Variants in AGBL4 observed in about 807,000 individuals in gnomAD.
AGBL4 encodes the protein AGBL carboxypeptidase 4.
AGBL4 carries 58 observed loss-of-function variants against 66.4 expected under a neutral mutation model. That is an observed-to-expected ratio of 0.87 (90% CI 0.71 to 1.09). AGBL4 has a LOEUF of 1.09. Among genes scored for constraint, AGBL4 ranks in the 50% least tolerant of loss-of-function variants. The pLI, the probability that AGBL4 is intolerant of heterozygous loss-of-function variation, is 0.00. For synonymous variants in AGBL4, 234 were observed against 222.9 expected, an observed-to-expected ratio of 1.05 and a Z score of -0.44; for missense variants, 579 against 631.0, an observed-to-expected ratio of 0.92 and a Z score of 0.88.
chr1:49,676,059 G>A (rs1450951494), intron 3 of AGBL4, among the ~76,000 whole-genome samples: 1 of 151,992 alleles, frequency 6.6e-6, no homozygotes, highest in Non-Finnish European at 1.5e-5. Flanking sequence ...ATAATCCTAA[G>A]GGGTAAGGAT....
intron 3 of AGBL4, among the ~76,000 whole-genome samples, chr1:49,616,958 C>T (rs748415745): frequency 6.6e-6 from 1 of 152,284 alleles, no homozygotes; most frequent in Admixed American, 6.5e-5. Context: ...TCCTAACTGG[C>T]TACTCTGTTT....
intron 5 of AGBL4, among the ~76,000 whole-genome samples, chr1:48,997,301 T>C (rs2148986543): frequency 6.6e-6 from 1 of 152,176 alleles, no homozygotes; most frequent in African/African-American, 2.4e-5. Context: ...ATACAGGCAG[T>C]TGGACTTAGA....
At chr1:50,000,865 A>C (rs958543203) in intron 1 of AGBL4, among the ~76,000 whole-genome samples, 1 of 152,200 alleles carries the variant, frequency 6.6e-6, no homozygotes, top group Non-Finnish European at 1.5e-5. Flanking sequence ...ATATGAGGAC[A>C]CAAAGGCATA....
At chr1:49,396,633 G>GA (rs1195138604) in intron 3 of AGBL4, among the ~76,000 whole-genome samples, 1 of 152,084 alleles carries the variant, frequency 6.6e-6, no homozygotes, top group Non-Finnish European at 1.5e-5. Context: ...CCATTTAAGT[G>GA]TAAAAATAAG....
At chr1:48,873,708 C>A (rs1285176720) in intron 5 of AGBL4, among the ~76,000 whole-genome samples, 1 of 152,056 alleles carries the variant, frequency 6.6e-6, no homozygotes, top group African/African-American at 2.4e-5. Context: ...CCTTGTCTTC[C>A]AATAGGCACA....
At position 49,147,264 on chromosome 1, in the gene AGBL4, A is replaced by G. The variant is rs148082324; in HGVS notation, c.377+98506T>C. The stretch of plus-strand genomic sequence containing the variant: ...TTAAATGACTGTCCCGAAATCATAC[A>G]AATAGAAATAGAAAGGCAGATTTAA... On this transcript the variant is annotated intron_variant, in intron 4 of 13. Transcript: ENST00000371839. Among the ~76,000 whole-genome samples the G allele has an allele frequency of 3.3e-5, 5 of 152,280 alleles. 1 individual carries two copies. Among genetic ancestry groups the G allele is most frequent in the African/African-American group, 7.2e-5 (3 of 41,558 alleles).
intron 3 of AGBL4, among the ~76,000 whole-genome samples, chr1:49,275,523 T>A (rs760657154): frequency 1.3e-5 from 2 of 152,194 alleles, no homozygotes; most frequent in Admixed American, 1.3e-4. Context: ...ATGCAAATAG[T>A]CATGCCAAGA....
intron 4 of AGBL4, among the ~76,000 whole-genome samples, chr1:49,171,913 T>TAC (rs1274099746): frequency 1.3e-5 from 2 of 152,212 alleles, no homozygotes; most frequent in East Asian, 3.8e-4. Context: ...TTAATCCTTA[T>TAC]ACCAATCCCT....
At chr1:49,944,072 G>C (rs1655002950) in intron 1 of AGBL4, among the ~76,000 whole-genome samples, 1 of 151,974 alleles carries the variant, frequency 6.6e-6, no homozygotes, top group South Asian at 2.1e-4. Context: ...TCTGAGCTCA[G>C]ACACAGTTAG....
At chr1:48,687,476 A>G (rs1269379200) in intron 6 of AGBL4, among the ~76,000 whole-genome samples, 1 of 152,124 alleles carries the variant, frequency 6.6e-6, no homozygotes, top group African/African-American at 2.4e-5. Flanking sequence ...CCCTGTGCTC[A>G]CACTTTCCTT....
chr1:48,670,302 T>C (rs578063480), intron 6 of AGBL4, among the ~76,000 whole-genome samples: 1 of 152,302 alleles, frequency 6.6e-6, no homozygotes, highest in South Asian at 2.1e-4. Flanking sequence ...ACCCTCACTA[T>C]GAAGAAGAAG....
intron 1 of AGBL4, among the ~76,000 whole-genome samples, chr1:49,869,602 G>A (rs1205390062): frequency 6.6e-6 from 1 of 152,166 alleles, no homozygotes; most frequent in Non-Finnish European, 1.5e-5. Context: ...CTGGAGTTGA[G>A]TACAGTGGTA....
chr1:48,845,656 G>A (rs1258896727), intron 6 of AGBL4, among the ~76,000 whole-genome samples: 1 of 152,164 alleles, frequency 6.6e-6, no homozygotes, highest in Non-Finnish European at 1.5e-5. Context: ...TATTCCTCCT[G>A]TAACAACCTT....
At chr1:49,284,169 A>C (rs894721297) in intron 3 of AGBL4, among the ~76,000 whole-genome samples, 3 of 152,204 alleles carry the variant, frequency 2.0e-5, no homozygotes, top group African/African-American at 7.2e-5. Context: ...ACAGCAGCGG[A>C]TCTCTCGGCA....
intron 4 of AGBL4, among the ~76,000 whole-genome samples, chr1:49,188,083 T>G (rs1205357226): frequency 1.3e-5 from 2 of 152,182 alleles, no homozygotes; most frequent in African/African-American, 2.4e-5. Flanking sequence ...CTGCCATGAT[T>G]GTGAGTCCCC....
chr1:48,942,968 C>T (rs1488386815), intron 5 of AGBL4, among the ~76,000 whole-genome samples: 5 of 152,282 alleles, frequency 3.3e-5, no homozygotes, highest in East Asian at 1.9e-4. Flanking sequence ...GGATTTTTTA[C>T]GGATTCACTC....
chr1:48,912,604 C>T (rs1470721601), intron 5 of AGBL4, among the ~76,000 whole-genome samples: 1 of 152,120 alleles, frequency 6.6e-6, no homozygotes, highest in Non-Finnish European at 1.5e-5. Flanking sequence ...GGACTGTATG[C>T]AAGGCAGATA....
intron 3 of AGBL4, among the ~76,000 whole-genome samples, chr1:49,507,205 A>C (rs1458735235): frequency 6.6e-6 from 1 of 151,996 alleles, no homozygotes; most frequent in Non-Finnish European, 1.5e-5. Context: ...TCTTAGCCAT[A>C]CCAGCATCCC....
chr1:49,769,337 T>C (rs1643986971), intron 2 of AGBL4, among the ~76,000 whole-genome samples: 1 of 152,146 alleles, frequency 6.6e-6, no homozygotes, highest in African/African-American at 2.4e-5. Context: ...AATGGAACTA[T>C]ATTCCATGCT....
Sources: gnomAD v4.1 joint callset for allele counts (sites outside exome capture counted in the v4.1 genomes callset) on GRCh38, gnomAD v4.1.1 for gene constraint, MANE v1.5 for transcripts, NCBI Gene and HGNC (gene_info 2026-07-23, HGNC 2026-07-21) for gene names.